MYBL2: variants seen among roughly 807,000 people sequenced by gnomAD.
MYBL2 encodes the protein MYB proto-oncogene like 2, also known as myb-related protein B.
Under a neutral mutation model 79.9 loss-of-function variants are expected in MYBL2, and 28 were observed. The observed-to-expected ratio is 0.35, with a 90% CI of 0.26 to 0.48. The LOEUF is 0.48. MYBL2 is among the 20% of genes least tolerant of loss of function. The pLI, the probability that MYBL2 is intolerant of heterozygous loss-of-function variation, is 0.99. For synonymous variants in MYBL2, 378 were observed against 361.2 expected (o/e 1.05, Z -0.53); for missense variants, 735 against 893.9 (o/e 0.82, Z 2.27).
chr20:43,684,110 G>A (rs1987210565), intron 4 of MYBL2, among the ~76,000 whole-genome samples: 2 of 151,850 alleles, frequency 1.3e-5, no homozygotes, highest in South Asian at 2.1e-4. Context: ...AAAAATTTTT[G>A]TAGAGAGAGT....
intron 1 of MYBL2, among the ~76,000 whole-genome samples, chr20:43,669,561 G>A (rs759062603): frequency 6.6e-6 from 1 of 152,144 alleles, no homozygotes; most frequent in South Asian, 2.1e-4. Context: ...CAAAAGGTAG[G>A]GTATGTTGGA....
chr20:43,701,293 C>G (rs913259044), intron 7 of MYBL2, among the ~76,000 whole-genome samples: 2 of 152,208 alleles, frequency 1.3e-5, no homozygotes, highest in African/African-American at 4.8e-5. Flanking sequence ...TTCTGGTCTA[C>G]CAGACACTGT....
chr20:43,674,512 C>A (rs536579354), intron 2 of MYBL2, among the ~76,000 whole-genome samples: 28 of 151,908 alleles, frequency 1.8e-4, no homozygotes, highest in African/African-American at 5.3e-4. Flanking sequence ...CTCAGCCTCC[C>A]GAGTAGCTGG....
rs1987372026 is a variant in MYBL2, at chr20:43,690,191, T to G, written c.501-1966T>G. Among the ~76,000 whole-genome samples the G allele has an allele frequency of 1.4e-5, 2 of 145,472 alleles. 1 individual carries two copies. Among genetic ancestry groups the G allele is most frequent in the South Asian group, 4.3e-4 (2 of 4,690 alleles). The stretch of plus-strand genomic sequence containing the variant: ...GTTGTGCCTTCCAAGAGCTGTTTTT[T>G]GTTTTTTTTTTTTTGTTTGTTTTTT... On this transcript the variant is annotated intron_variant, in intron 5 of 13. Coordinates refer to ENST00000217026, the MANE Select transcript of MYBL2 (RefSeq NM_002466.4).
intron 2 of MYBL2, among the ~76,000 whole-genome samples, chr20:43,678,516 T>C (rs557762478): frequency 6.6e-6 from 1 of 152,140 alleles, no homozygotes. Context: ...GTGATGTGAA[T>C]GTAGCCGGGC....
intron 10 of MYBL2, 81 bp from the exon 11 acceptor site, chr20:43,711,407 C>T: frequency 9.3e-7 from 1 of 1,073,668 alleles, no homozygotes; most frequent in Non-Finnish European, 1.4e-6. Context: ...AGCCCAGTTG[C>T]AGCTGGGTTG....
intron 6 of MYBL2, among the ~76,000 whole-genome samples, chr20:43,697,652 C>G (rs930984371): frequency 6.6e-6 from 1 of 151,916 alleles, no homozygotes; most frequent in African/African-American, 2.4e-5. Context: ...GCCTGTAATC[C>G]CAGCACTTTG....
At position 43,712,996 on chromosome 20, in the gene MYBL2, C is replaced by G. The variant is rs1987945189; in HGVS notation, c.1720-6C>G. The G allele has an allele frequency of 6.2e-7, 1 of 1,605,752 alleles. No homozygotes were observed. Among genetic ancestry groups the G allele is most frequent in the Non-Finnish European group, 8.5e-7 (1 of 1,175,196 alleles). On this transcript the variant is annotated splice_region_variant and splice_polypyrimidine_tract_variant and intron_variant, in intron 11 of 13. Transcript: ENST00000217026. The stretch of plus-strand genomic sequence containing the variant: ...CCCTAACCCCCTTCTATCTGCCAAC[C>G]CCTAGCTGCGGCGGAGCCCCATCAA...
intron 2 of MYBL2, among the ~76,000 whole-genome samples, chr20:43,680,539 C>T (rs946916896): frequency 2.6e-5 from 4 of 152,040 alleles, no homozygotes; most frequent in African/African-American, 9.7e-5. Context: ...GCTCTGTTGC[C>T]GAGGCTGGAG....
rs1343153466 is a variant in MYBL2, at chr20:43,678,623, G to A, written c.115-3161G>A. ...TGTAATCCCAGCACTTTGGGAGGCTGAGATGGGTGGATCACCTGAGATTAG... is the reference window on the plus strand; with the variant it reads ...TGTAATCCCAGCACTTTGGGAGGCTAAGATGGGTGGATCACCTGAGATTAG... On this transcript the variant is annotated intron_variant, in intron 2 of 13. Transcript: ENST00000217026. Among the ~76,000 whole-genome samples, 10 of 152,166 alleles carry A rather than the reference G, an allele frequency of 6.6e-5. No individual in the cohort carries two copies. The East Asian group carries it at 1.7e-3, about 27-fold the overall frequency.
intron 2 of MYBL2, 107 bp downstream of exon 2, chr20:43,674,006 C>G: frequency 1.0e-6 from 1 of 995,344 alleles, no homozygotes; most frequent in East Asian, 2.6e-5. Flanking sequence ...GAGGAGGAGC[C>G]GGTGAAGGAA....
chr20:43,704,057 A>C (rs961649883), intron 8 of MYBL2, among the ~76,000 whole-genome samples: 2 of 152,106 alleles, frequency 1.3e-5, no homozygotes, highest in Non-Finnish European at 2.9e-5. Flanking sequence ...TGGAGGCTGG[A>C]GGCTGGAGTG....
intron 2 of MYBL2, among the ~76,000 whole-genome samples, chr20:43,676,262 C>CCCT: frequency 6.7e-6 from 1 of 149,422 alleles, no homozygotes; most frequent in Non-Finnish European, 1.5e-5. Context: ...CCACCCTCCA[C>CCCT]CCTCCTCCCA....
intron 1 of MYBL2, among the ~76,000 whole-genome samples, chr20:43,670,956 A>ATT (rs1986838884): frequency 5.4e-5 from 2 of 36,918 alleles, no homozygotes; most frequent in African/African-American, 2.2e-4. Context: ...GGATCCTATG[A>ATT]TTTCTTTTTT....
chr20:43,698,067 T>G (rs1987588174), intron 6 of MYBL2, among the ~76,000 whole-genome samples: 1 of 149,642 alleles, frequency 6.7e-6, no homozygotes, highest in Admixed American at 6.6e-5. Flanking sequence ...TTGTCTTTTT[T>G]TTTTTTTTTT....
chr20:43,677,896 G>A lies in MYBL2; in HGVS notation c.115-3888G>A, dbSNP rs564338605. Among the ~76,000 whole-genome samples, 456 of 152,336 alleles carry A rather than the reference G, an allele frequency of 3.0e-3. 3 individuals are homozygous for A. The highest frequency in any genetic ancestry group is 0.011 in the African/African-American group (444 of 41,582). On this transcript the variant is annotated intron_variant, in intron 2 of 13. Coordinates refer to ENST00000217026, the MANE Select transcript of MYBL2 (RefSeq NM_002466.4). ...AGGTGGGGAAAAGATTGAGAAATCGGATGGTTGCCGTGTCTGTGTAGAAAG... is the reference window on the plus strand; with the variant it reads ...AGGTGGGGAAAAGATTGAGAAATCGAATGGTTGCCGTGTCTGTGTAGAAAG...
chr20:43,693,092 G>A (rs1204187214), intron 6 of MYBL2, among the ~76,000 whole-genome samples: 1 of 152,090 alleles, frequency 6.6e-6, no homozygotes, highest in African/African-American at 2.4e-5. Context: ...GAGTTGCAGG[G>A]TGTGATCTTG....
intron 6 of MYBL2, among the ~76,000 whole-genome samples, chr20:43,692,776 TAATTAAAAAA>T (rs1266277068): frequency 6.6e-6 from 1 of 152,126 alleles, no homozygotes; most frequent in Non-Finnish European, 1.5e-5. Flanking sequence ...TCTATCTTTT[TAATTAAAAAA>T]AATTAAAAAA....
At chr20:43,702,969 A>G in intron 8 of MYBL2, 66 bp downstream of exon 8, 1 of 1,483,544 alleles carries the variant, frequency 6.7e-7, no homozygotes, top group Non-Finnish European at 9.1e-7. Context: ...GTGCTGGGGC[A>G]AGGGTGAGCA....
Sources: gnomAD v4.1 joint callset for allele counts (sites outside exome capture counted in the v4.1 genomes callset) on GRCh38, gnomAD v4.1.1 for gene constraint, MANE v1.5 for transcripts, NCBI Gene and HGNC (gene_info 2026-07-23, HGNC 2026-07-21) for gene names.